Variants in ZNF888 observed in about 807,000 individuals in gnomAD.
ZNF888 encodes CTD-2331H12.6.
In ZNF888, 5 loss-of-function variants were observed where a neutral mutation model predicts 7.2. The ratio of observed to expected loss-of-function variants is 0.70; its 90% confidence interval spans 0.36 to 1.46. The LOEUF (loss-of-function observed/expected upper bound fraction) is 1.46, where lower values mean the gene tolerates loss of function less well. Ranked by LOEUF, ZNF888 falls within the 40% of genes most tolerant of loss-of-function variation. The pLI is 0.03. For missense variants in ZNF888, 716 were observed against 858.0 expected, an observed-to-expected ratio of 0.83 and a Z score of 2.07; for synonymous variants, 240 against 284.3, an observed-to-expected ratio of 0.84 and a Z score of 1.57.
chr19:52,908,301 T>C, intron 4 of ZNF888, 122 bp from the exon 5 acceptor site: 1 of 952,992 alleles, frequency 1.0e-6, no homozygotes, highest in Non-Finnish European at 1.6e-6. Context: ...AGCTTCAAAG[T>C]TCAGGAACAC....
rs139312225 is a variant in ZNF888, at chr19:52,921,962, G to T, written c.-178+1407C>A. Among the ~76,000 whole-genome samples, 777 of 152,086 alleles carry T rather than the reference G, an allele frequency of 5.1e-3. 3 individuals carry two copies. Among genetic ancestry groups the T allele is most frequent in the Middle Eastern group, 0.041 (12 of 294 alleles). On this transcript the variant is annotated intron_variant, in intron 1 of 4. Coordinates refer to ENST00000638862, the MANE Select transcript of ZNF888 (RefSeq NM_001393938.1). ...AAAAGAAAGAAAGAAAGAAAGAAAAGAAAACAGGGAAAGAGAGTCAGCTGT... is the reference window on the plus strand; with the variant it reads ...AAAAGAAAGAAAGAAAGAAAGAAAATAAAACAGGGAAAGAGAGTCAGCTGT...
At chr19:52,910,342 G>A (rs1048834418) in intron 4 of ZNF888, among the ~76,000 whole-genome samples, 7 of 151,958 alleles carry the variant, frequency 4.6e-5, no homozygotes, top group Non-Finnish European at 1.0e-4. Context: ...GCATGGTGGC[G>A]GGTGCCTTTA....
At chr19:52,919,992 G>T (rs1248285236) in intron 1 of ZNF888, among the ~76,000 whole-genome samples, 2 of 51,920 alleles carry the variant, frequency 3.9e-5, no homozygotes, top group African/African-American at 8.1e-5. Flanking sequence ...GGTGAGGGGC[G>T]CCTCTGCCCG....
In ZNF888 at chr19:52,907,642, G is replaced by A; in HGVS notation, c.680C>T (p.Ser227Leu). The A allele has an allele frequency of 1.9e-6, 3 of 1,604,748 alleles. No homozygotes were observed. Among genetic ancestry groups the A allele is most frequent in the Non-Finnish European group, 2.6e-6 (3 of 1,176,470 alleles). The change falls in exon 5 of 5, where the codon TCA (serine) becomes TTA (leucine). Residue 227 changes from serine (S) to leucine (L), a missense_variant. Around this residue, in one of 2 missense-constraint regions of ZNF888, gnomAD observed 697 missense variants for 803.4 expected, o/e 0.87. Coordinates refer to ENST00000638862, the MANE Select transcript of ZNF888 (RefSeq NM_001393938.1). ...AATTATCTGATGTTTTTTAAAGAGT[G>A]AGCTACAATTAAAGGATTTGCCACT... ...NESGKSFNCSSLFKKHQIIHL... is the reference protein window; with the variant it reads ...NESGKSFNCSLLFKKHQIIHL...
At chr19:52,922,818 A>T (rs992008812) in intron 1 of ZNF888, among the ~76,000 whole-genome samples, 1 of 152,138 alleles carries the variant, frequency 6.6e-6, no homozygotes, top group Non-Finnish European at 1.5e-5. Flanking sequence ...GTGTCACAGG[A>T]CAGGCCCCGG....
chr19:52,918,765 TA>T (rs1437351127), intron 2 of ZNF888, 53 bp downstream of exon 2: 1 of 151,708 alleles, frequency 6.6e-6, no homozygotes, highest in Non-Finnish European at 1.5e-5. Flanking sequence ...GACTCTAAAA[TA>T]AAATAAAATA....
Position 52,906,491 on chromosome 19 carries a change from A to G in ZNF888, c.1831T>C (p.Cys611Arg). The change falls in exon 5 of 5, where the codon TGT (cysteine) becomes CGT (arginine). Residue 611 changes from cysteine (C) to arginine (R), a missense_variant. Around this residue, in one of 2 missense-constraint regions of ZNF888, gnomAD observed 697 missense variants for 803.4 expected, o/e 0.87. Coordinates refer to ENST00000638862, the MANE Select transcript of ZNF888 (RefSeq NM_001393938.1). The part of the protein sequence containing the change: ...TGEKPYKCEE[C>R]DKVFNIKSHL... ...GATTTGATATTGAAAACTTTGTCACATTCTTCACATTTGTAAGGTTTCTCT... is the reference window on the plus strand; with the variant it reads ...GATTTGATATTGAAAACTTTGTCACGTTCTTCACATTTGTAAGGTTTCTCT... 1.9e-6 allele frequency: 3 copies of G among 1,613,708 alleles called. No individual in the cohort carries two copies. The highest frequency in any genetic ancestry group is 1.7e-6 in the Non-Finnish European group (2 of 1,179,760).
chr19:52,914,703 G>C (rs1049456472), intron 4 of ZNF888, among the ~76,000 whole-genome samples: 1 of 152,188 alleles, frequency 6.6e-6, no homozygotes, highest in African/African-American at 2.4e-5. Context: ...GTCTTGCTCT[G>C]CCATCTGGGC....
At chr19:52,912,678 C>T (rs1008929332) in intron 4 of ZNF888, among the ~76,000 whole-genome samples, 5 of 151,376 alleles carry the variant, frequency 3.3e-5, no homozygotes, top group African/African-American at 7.3e-5. Context: ...TGCAGTGGGC[C>T]GAGATCACAC....
intron 4 of ZNF888, among the ~76,000 whole-genome samples, chr19:52,912,872 A>G (rs1265875021): frequency 6.6e-6 from 1 of 151,976 alleles, no homozygotes; most frequent in Non-Finnish European, 1.5e-5. Context: ...CTTTGGGAGG[A>G]TGAGCCAGGC....
intron 1 of ZNF888, among the ~76,000 whole-genome samples, chr19:52,921,233 G>A (rs1834416169): frequency 6.6e-6 from 1 of 152,202 alleles, no homozygotes; most frequent in South Asian, 2.1e-4. Context: ...ATGAGATGGG[G>A]GCAAGCTCCC....
chr19:52,908,104 A>C lies in ZNF888; in HGVS notation c.218T>G (p.Leu73Trp). Residue 73 changes from leucine to tryptophan, a missense_variant, in exon 5 of 5, where the codon TTG becomes TGG. This residue lies in a region of ZNF888 where 697 missense variants were observed against 803.4 expected (regional missense o/e 0.87). Transcript: ENST00000638862. ...GNTEVIHTGT[L>W]QRLASHHIGE... ...AATGTGATGACTTGCCAGTCTTTGC[A>C]ATGTCCCTGTGTGGATCACTTCTGT... 2.5e-6 allele frequency: 4 copies of C among 1,614,148 alleles called. No individual in the cohort carries two copies. The highest frequency in any genetic ancestry group is 3.4e-6 in the Non-Finnish European group (4 of 1,180,022).
At chr19:52,921,299 G>A (rs1007375260) in intron 1 of ZNF888, among the ~76,000 whole-genome samples, 1 of 152,260 alleles carries the variant, frequency 6.6e-6, no homozygotes, top group African/African-American at 2.4e-5. Flanking sequence ...GAGCCACAGT[G>A]AGGAGATGGG....
At chr19:52,918,538 G>C (rs893325721) in intron 2 of ZNF888, among the ~76,000 whole-genome samples, 1 of 152,230 alleles carries the variant, frequency 6.6e-6, no homozygotes, top group South Asian at 2.1e-4. Flanking sequence ...GGAAGGCCAA[G>C]GTGGGTGGAT....
At chr19:52,922,472 C>T (rs960655497) in intron 1 of ZNF888, among the ~76,000 whole-genome samples, 2 of 152,010 alleles carry the variant, frequency 1.3e-5, no homozygotes, top group African/African-American at 4.8e-5. Flanking sequence ...GTTTGCTGCC[C>T]CTCTCCCTAC....
rs2064635626 is a variant in ZNF888, at chr19:52,908,251, G to T, written c.143-72C>A. ...ATATAATACTGAAACGTGTAAATAT[G>T]ACACCAAAAACAATACTTATTTTAA... On this transcript the variant is annotated intron_variant, in intron 4 of 4. Transcript: ENST00000638862. 3 of 1,409,146 alleles carry T rather than the reference G, an allele frequency of 2.1e-6. No individual in the cohort carries two copies. The South Asian group carries it at 3.5e-5, about 16-fold the overall frequency. 87.3% of individuals were successfully genotyped at this position (1,409,146 alleles called of 1,614,324 possible).
chr19:52,909,162 T>C (rs2064647316), intron 4 of ZNF888, among the ~76,000 whole-genome samples: 1 of 151,950 alleles, frequency 6.6e-6, no homozygotes, highest in Non-Finnish European at 1.5e-5. Flanking sequence ...AAAGAAAATG[T>C]TAATACCATA....
Position 52,905,922 on chromosome 19 carries a change from G to C in ZNF888, c.*243C>G, listed in dbSNP as rs1045560868. 3 of 803,434 alleles carry C rather than the reference G, an allele frequency of 3.7e-6. No individual in the cohort carries two copies. In the African/African-American group the frequency reaches 4.8e-5, roughly 13 times the overall value. The allele number at this position is 803,434 out of a possible 1,614,324, so 49.8% of individuals were successfully genotyped here. On this transcript the variant is annotated 3_prime_UTR_variant, in exon 5 of 5. Transcript: ENST00000638862. ...TTGCTCACAATCATCACACTTGTGA[G>C]GTTTCTCTCCTGTATGAATTCTCCT...
rs1391059760 is a variant in ZNF888, at chr19:52,906,798, G to C, written c.1524C>G (p.His508Gln). 1 of 1,613,354 alleles carries C rather than the reference G, an allele frequency of 6.2e-7. No homozygotes were observed. The highest frequency in any genetic ancestry group is 1.1e-5 in the South Asian group (1 of 91,068). Residue 508 changes from histidine to glutamine, a missense_variant, in exon 5 of 5, where the codon CAC becomes CAG. Around this residue, in one of 2 missense-constraint regions of ZNF888, gnomAD observed 697 missense variants for 803.4 expected, o/e 0.87. Coordinates refer to ENST00000638862, the MANE Select transcript of ZNF888 (RefSeq NM_001393938.1). Reference protein sequence around the residue: ...VCDKAFRRDSHLAQHTVIHTG... With the variant: ...VCDKAFRRDSQLAQHTVIHTG... ...TGTGAATTACAGTATGTTGTGCCAG[G>C]TGTGAATCACGTCTGAAAGCCTTGT...
Sources: gnomAD v4.1 joint callset for allele counts (sites outside exome capture counted in the v4.1 genomes callset) on GRCh38, gnomAD v4.1.1 for gene constraint, gnomAD v4.1.1 regional missense constraint, MANE v1.5 for transcripts, NCBI Gene and HGNC (gene_info 2026-07-23, HGNC 2026-07-21) for gene names.